ESRRG: variants seen among roughly 807,000 people sequenced by gnomAD.
The protein encoded by ESRRG is estrogen related receptor gamma, also known as estrogen-related receptor gamma.
ESRRG carries 13 observed loss-of-function variants against 44.0 expected under a neutral mutation model. That is an observed-to-expected ratio of 0.30 (90% CI 0.19 to 0.47). ESRRG has a LOEUF of 0.47. Ranked by LOEUF, ESRRG falls within the 20% of genes least tolerant of loss-of-function variation. ESRRG has a pLI of 1.00. For synonymous variants in ESRRG, 215 were observed against 214.6 expected (o/e 1.00, Z -0.02); for missense variants, 395 against 580.6 (o/e 0.68, Z 3.29).
chr1:216,795,258 T>C (rs1481349766), intron 2 of ESRRG, among the ~76,000 whole-genome samples: 1 of 152,056 alleles, frequency 6.6e-6, no homozygotes, highest in East Asian at 1.9e-4. Flanking sequence ...AATGTATATC[T>C]ATTTTTTCAT....
At chr1:216,593,962 G>A (rs1175889590) in intron 3 of ESRRG, among the ~76,000 whole-genome samples, 3 of 152,010 alleles carry the variant, frequency 2.0e-5, no homozygotes, top group African/African-American at 7.3e-5. Context: ...CAAACTCCTG[G>A]GCTCAGGCAA....
At position 216,564,238 on chromosome 1, in the gene ESRRG, T is replaced by C; in HGVS notation, c.843A>G (p.Gly281=). 1 of 1,544,778 alleles carries C rather than the reference T, an allele frequency of 6.5e-7. No homozygotes were observed. The highest frequency in any genetic ancestry group is 8.7e-7 in the Non-Finnish European group (1 of 1,146,734). The change falls in exon 5 of 7, where the codon GGA becomes GGG. Residue 281 remains glycine, a synonymous_variant. Transcript: ENST00000408911. ...ATGTACCTGGAATATGCTTCGCCCATCCAATGATAACCACCAACTCTCGGT... is the reference window on the plus strand; with the variant it reads ...ATGTACCTGGAATATGCTTCGCCCACCCAATGATAACCACCAACTCTCGGT... ...LADRELVVII[G]WAKHIPGFST...
chr1:216,577,789 A>G (rs1270750520), intron 3 of ESRRG, among the ~76,000 whole-genome samples: 1 of 152,030 alleles, frequency 6.6e-6, no homozygotes, highest in African/African-American at 2.4e-5. Flanking sequence ...AAAAAAAAGG[A>G]AATAGATGGC....
Position 216,715,272 on chromosome 1 carries a change from C to T in ESRRG, c.56+7972G>A, listed in dbSNP as rs12058262. The T allele has an allele frequency of 4.4e-3, 4,344 of 983,678 alleles. 123 individuals carry two copies. In the African/African-American group the frequency reaches 0.068, roughly 15 times the overall value. The allele number at this position is 983,678 out of a possible 1,614,324, so 60.9% of individuals were successfully genotyped here. A position where few individuals can be genotyped will look rare whatever the true frequency, so the allele number is the denominator to read the frequency against. On this transcript the variant is annotated intron_variant, in intron 1 of 6. Transcript: ENST00000408911. ...AGTCTATGGATAAAAGGGATGTTTC[C>T]GTCATTTCATAGGACCCAGCACCAA...
upstream of ESRRG, among the ~76,000 whole-genome samples, chr1:217,093,988 T>C (rs1480532591): frequency 6.6e-6 from 1 of 152,006 alleles, no homozygotes; most frequent in Non-Finnish European, 1.5e-5. Context: ...GCTCAAGCAA[T>C]CCTCCTGCCT....
intron 2 of ESRRG, among the ~76,000 whole-genome samples, chr1:216,759,803 T>A (rs1387477210): frequency 2.0e-5 from 3 of 152,128 alleles, no homozygotes; most frequent in Non-Finnish European, 4.4e-5. Flanking sequence ...CTCATTCATA[T>A]CTCTCTGCTC....
chr1:216,956,865 G>A (rs552195396), intron 1 of ESRRG, among the ~76,000 whole-genome samples: 1 of 151,974 alleles, frequency 6.6e-6, no homozygotes, highest in African/African-American at 2.4e-5. Context: ...TTCAATCAAG[G>A]AATAAACAAA....
At chr1:216,711,623 A>C (rs2083618640) in intron 1 of ESRRG, among the ~76,000 whole-genome samples, 1 of 152,208 alleles carries the variant, frequency 6.6e-6, no homozygotes, top group Non-Finnish European at 1.5e-5. Context: ...TTCTCAAAAG[A>C]AGCTAAGCAA....
Position 216,916,682 on chromosome 1 carries a change from T to C in ESRRG, c.-14+22900A>G, listed in dbSNP as rs545739021. Among the ~76,000 whole-genome samples, 5 of 152,216 alleles carry C rather than the reference T, an allele frequency of 3.3e-5. No individual in the cohort carries two copies. The East Asian group carries it at 9.6e-4, about 29-fold the overall frequency. ...CATTTTCTTTTTCAGAATTCATTCA[T>C]GTCAGATGTAGACCATTTTGAGAAG... On this transcript the variant is annotated intron_variant, in intron 2 of 7. Transcript: ENST00000359162.
intron 2 of ESRRG, among the ~76,000 whole-genome samples, chr1:216,919,567 CAG>C (rs1323551769): frequency 6.6e-6 from 1 of 152,094 alleles, no homozygotes; most frequent in Non-Finnish European, 1.5e-5. Context: ...CGCATTAAAA[CAG>C]AATATTTTCT....
At position 216,870,415 on chromosome 1, in the gene ESRRG, G is replaced by T. The variant is rs901092744; in HGVS notation, c.-14+69167C>A. On this transcript the variant is annotated intron_variant, in intron 2 of 7. Coordinates refer to the ESRRG transcript ENST00000359162. ...TTTTATTGAGAATGCTTGCATTATG[G>T]TCATGAGAAATATTTCTTTGTATTT... 2.0e-5 allele frequency among the ~76,000 whole-genome samples: 3 copies of T among 151,748 alleles called. 1 individual carries two copies. Among genetic ancestry groups the T allele is most frequent in the Admixed American group, 2.0e-4 (3 of 15,228 alleles).
chr1:216,522,461 CT>C (rs2046387496), intron 5 of ESRRG, among the ~76,000 whole-genome samples: 1 of 151,856 alleles, frequency 6.6e-6, no homozygotes, highest in Admixed American at 6.6e-5. Flanking sequence ...TCTATCTTTT[CT>C]TGGTCTAGAA....
At chr1:216,515,151 G>T (rs551766895) in intron 6 of ESRRG, among the ~76,000 whole-genome samples, 1 of 151,918 alleles carries the variant, frequency 6.6e-6, no homozygotes, top group African/African-American at 2.4e-5. Flanking sequence ...GTATTTAAGC[G>T]ATGTATTCTC....
At chr1:216,975,340 G>A (rs2072644488) in intron 1 of ESRRG, among the ~76,000 whole-genome samples, 1 of 152,160 alleles carries the variant, frequency 6.6e-6, no homozygotes, top group Non-Finnish European at 1.5e-5. Context: ...GACAGACATG[G>A]AAAGGGGAAG....
chr1:216,637,775 G>GA (rs1553446803), intron 3 of ESRRG, among the ~76,000 whole-genome samples: 2 of 147,096 alleles, frequency 1.4e-5, no homozygotes, highest in Non-Finnish European at 3.0e-5. Context: ...TATTCCTCAT[G>GA]TTTTTTTTTT....
intron 2 of ESRRG, among the ~76,000 whole-genome samples, chr1:216,835,501 T>C (rs1253395970): frequency 1.3e-5 from 2 of 152,264 alleles, no homozygotes; most frequent in East Asian, 3.9e-4. Context: ...CCAAGTTAGG[T>C]TCTCAGTCTC....
At chr1:217,031,893 G>A (rs971963191) in intron 1 of ESRRG, among the ~76,000 whole-genome samples, 5 of 152,260 alleles carry the variant, frequency 3.3e-5, no homozygotes, top group African/African-American at 1.2e-4. Context: ...CAAGCCCTGT[G>A]GAAATGTGAT....
At chr1:216,829,029 C>A (rs1294566359) in intron 2 of ESRRG, among the ~76,000 whole-genome samples, 8 of 152,150 alleles carry the variant, frequency 5.3e-5, no homozygotes, top group Non-Finnish European at 1.0e-4. Context: ...GATACAAGGA[C>A]ATATGTATGT....
chr1:216,963,729 T>C (rs769574116), intron 1 of ESRRG, among the ~76,000 whole-genome samples: 2 of 152,052 alleles, frequency 1.3e-5, no homozygotes, highest in Non-Finnish European at 2.9e-5. Context: ...ATGCCTTCCA[T>C]AAGGGACACC....
Sources: gnomAD v4.1 joint callset for allele counts (sites outside exome capture counted in the v4.1 genomes callset) on GRCh38, gnomAD v4.1.1 for gene constraint, MANE v1.5 for transcripts, NCBI Gene and HGNC (gene_info 2026-07-23, HGNC 2026-07-21) for gene names.